Variants in MAGI1 observed in about 807,000 individuals in gnomAD.
MAGI1 encodes the protein membrane associated guanylate kinase, WW and PDZ domain containing 1.
A neutral mutation model predicts 139.9 loss-of-function variants in MAGI1; 58 were observed. The observed-to-expected ratio is 0.41, with a 90% CI of 0.34 to 0.52. The LOEUF (loss-of-function observed/expected upper bound fraction) is 0.52, where lower values mean the gene tolerates loss of function less well. Ranked by LOEUF, MAGI1 falls within the 20% of genes least tolerant of loss-of-function variation. MAGI1 has a pLI of 0.12. For synonymous variants in MAGI1, 812 were observed against 737.9 expected (o/e 1.10, Z -1.63); for missense variants, 1,874 against 1,901.6 (o/e 0.99, Z 0.27).
chr3:65,810,999 T>C (rs914140547), intron 1 of MAGI1, among the ~76,000 whole-genome samples: 2 of 152,196 alleles, frequency 1.3e-5, no homozygotes, highest in South Asian at 4.1e-4. Context: ...AAACAAAAGA[T>C]TGATAAACAA....
In MAGI1 at chr3:65,369,370, G is replaced by A. The variant is rs531036569; in HGVS notation, c.3197-4424C>T. Among the ~76,000 whole-genome samples, 3 of 152,278 alleles carry A rather than the reference G, an allele frequency of 2.0e-5. No individual in the cohort carries two copies. In the South Asian group the frequency reaches 6.2e-4, roughly 32 times the overall value. On this transcript the variant is annotated intron_variant, in intron 18 of 22. Transcript: ENST00000402939. ...AAACTGCAGAAAGAATAAGGCTACC[G>A]ATGACAAGAGCAAAGAATTAGATAG...
chr3:65,581,498 C>A (rs2081421918), intron 2 of MAGI1, among the ~76,000 whole-genome samples: 1 of 152,112 alleles, frequency 6.6e-6, no homozygotes, highest in African/African-American at 2.4e-5. Flanking sequence ...CTTTCACTTC[C>A]TCTGCTCACT....
At chr3:65,705,619 C>G (rs537180738) in intron 1 of MAGI1, among the ~76,000 whole-genome samples, 1 of 152,324 alleles carries the variant, frequency 6.6e-6, no homozygotes, top group South Asian at 2.1e-4. Context: ...TAATTTATGG[C>G]TTTGAATAAT....
At chr3:65,947,590 G>A (rs1313124767) in intron 1 of MAGI1, among the ~76,000 whole-genome samples, 5 of 152,130 alleles carry the variant, frequency 3.3e-5, no homozygotes, top group African/African-American at 9.7e-5. Flanking sequence ...AGGCTTTCAA[G>A]TGAAAGCTTT....
At chr3:65,807,991 G>A (rs976376057) in intron 1 of MAGI1, among the ~76,000 whole-genome samples, 3 of 151,038 alleles carry the variant, frequency 2.0e-5, no homozygotes, top group African/African-American at 4.9e-5. Flanking sequence ...TAAGTTCGGC[G>A]GATCACTTGA....
In MAGI1 at chr3:65,763,759, A is replaced by T. The variant is rs551354458; in HGVS notation, c.314-141671T>A. 2.6e-5 allele frequency among the ~76,000 whole-genome samples: 4 copies of T among 152,030 alleles called. No individual in the cohort carries two copies. The East Asian group carries it at 7.7e-4, about 29-fold the overall frequency. On this transcript the variant is annotated intron_variant, in intron 1 of 22. Transcript: ENST00000402939. ...ATATCGCACAAGTGCTTTTAAAAAA[A>T]AAAAAGAAATAAATAAAAGAAAATC...
chr3:65,843,648 T>A (rs752105744), intron 1 of MAGI1, among the ~76,000 whole-genome samples: 21 of 152,170 alleles, frequency 1.4e-4, no homozygotes, highest in Non-Finnish European at 2.5e-4. Context: ...GGACCCCTTC[T>A]TCATTTCGCT....
chr3:65,803,489 T>A (rs924686239), intron 1 of MAGI1, among the ~76,000 whole-genome samples: 2 of 152,202 alleles, frequency 1.3e-5, no homozygotes, highest in African/African-American at 4.8e-5. Context: ...TTTAAATTAT[T>A]CCCTGTGAAA....
chr3:66,010,344 T>C (rs2067263196), intron 1 of MAGI1, among the ~76,000 whole-genome samples: 3 of 152,180 alleles, frequency 2.0e-5, no homozygotes, highest in Non-Finnish European at 2.9e-5. Context: ...GCTCCCAATA[T>C]GCATATCCCT....
chr3:65,814,582 G>A (rs927389574), intron 1 of MAGI1, among the ~76,000 whole-genome samples: 2 of 152,196 alleles, frequency 1.3e-5, no homozygotes, highest in African/African-American at 4.8e-5. Context: ...GTTCTGTTTT[G>A]TTTTGTTTTT....
chr3:65,620,377 C>T (rs370804596), intron 2 of MAGI1, among the ~76,000 whole-genome samples: 4 of 152,164 alleles, frequency 2.6e-5, no homozygotes, highest in South Asian at 2.1e-4. Context: ...TTTCTTCATC[C>T]GTAAAATGGG....
At chr3:65,856,147 A>G (rs2108419816) in intron 1 of MAGI1, among the ~76,000 whole-genome samples, 1 of 152,282 alleles carries the variant, frequency 6.6e-6, no homozygotes, top group Non-Finnish European at 1.5e-5. Flanking sequence ...TAACTAACTT[A>G]TATTTCGATT....
At chr3:65,880,543 G>A (rs1575822670) in intron 1 of MAGI1, among the ~76,000 whole-genome samples, 2 of 152,120 alleles carry the variant, frequency 1.3e-5, no homozygotes, top group Non-Finnish European at 2.9e-5. Context: ...AAGAAATACT[G>A]CTGACTGGTC....
chr3:65,971,095 C>T (rs2064994525), intron 1 of MAGI1, among the ~76,000 whole-genome samples: 1 of 152,022 alleles, frequency 6.6e-6, no homozygotes, highest in East Asian at 1.9e-4. Flanking sequence ...CCCAGCTACT[C>T]GGGAGGCTGA....
chr3:65,529,041 G>A (rs1212722245), intron 2 of MAGI1, among the ~76,000 whole-genome samples: 1 of 151,682 alleles, frequency 6.6e-6, no homozygotes, highest in African/African-American at 2.4e-5. Context: ...TGGAGACCCT[G>A]TTTCAAAACC....
intron 1 of MAGI1, among the ~76,000 whole-genome samples, chr3:65,738,266 A>G (rs2034952357): frequency 6.6e-6 from 1 of 152,318 alleles, no homozygotes; most frequent in South Asian, 2.1e-4. Context: ...GTTATATTTA[A>G]ACTTTTGCCA....
chr3:65,956,345 A>C (rs2064126574), intron 1 of MAGI1, among the ~76,000 whole-genome samples: 1 of 152,158 alleles, frequency 6.6e-6, no homozygotes, highest in Non-Finnish European at 1.5e-5. Context: ...AGTCTCAAAG[A>C]GGTAAATAAC....
intron 18 of MAGI1, among the ~76,000 whole-genome samples, chr3:65,373,066 G>A (rs1942157762): frequency 6.6e-6 from 1 of 152,138 alleles, no homozygotes; most frequent in African/African-American, 2.4e-5. Context: ...TCACAACTTG[G>A]ATAAATGTTT....
rs751502191 is a variant in MAGI1 at position 65,429,601 on chromosome 3, C to T, written c.2086G>A (p.Ala696Thr). The change falls in exon 12 of 23, where the codon GCC becomes ACC. Residue 696 changes from alanine (A) to threonine (T), a missense_variant. Coordinates refer to ENST00000402939, the MANE Select transcript of MAGI1 (RefSeq NM_001033057.2). ...TCCACCACTTGGTTGTGAGTTAGGG[C>T]CTGCACGTTCTTCTTATTAACTTCC... is the stretch of plus-strand genomic sequence containing the variant. The part of the protein sequence containing the change: ...IVEVNKKNVQ[A>T]LTHNQVVDML... 6 of 1,613,870 alleles carry T rather than the reference C, an allele frequency of 3.7e-6. No individual in the cohort carries two copies. The East Asian group carries it at 8.9e-5, about 24-fold the overall frequency.
Sources: allele counts gnomAD v4.1 joint callset (sites outside exome capture counted in the v4.1 genomes callset), GRCh38; gene constraint gnomAD v4.1.1; transcripts MANE v1.5; gene names NCBI Gene and HGNC (gene_info 2026-07-23, HGNC 2026-07-21).